Variants in IL18R1 observed in about 807,000 individuals in gnomAD.
The protein encoded by IL18R1 is interleukin 18 receptor 1.
A neutral mutation model predicts 48.5 loss-of-function variants in IL18R1; 40 were observed. That is an observed-to-expected ratio of 0.82 (90% CI 0.64 to 1.07). IL18R1 has a LOEUF of 1.07. IL18R1 is among the 50% of genes least tolerant of loss of function. The pLI, the probability that IL18R1 is intolerant of heterozygous loss-of-function variation, is 0.00. For missense variants in IL18R1, 596 were observed against 633.7 expected (o/e 0.94, Z 0.64); for synonymous variants, 232 against 225.9 (o/e 1.03, Z -0.24).
chr2:102,375,987 C>A lies in IL18R1; in HGVS notation c.549C>A (p.Tyr183Ter). ...CCGAGTTTGAAGATCAGGGGTATTA[C>A]TCCTGCGTGCATTTCCTTCATCATA... Reference protein sequence around the residue: ...KNAEFEDQGYYSCVHFLHHNG... With the variant: ...KNAEFEDQGY Residue 183 changes from tyrosine (Y) to a stop codon, truncating the protein, a stop_gained, in exon 5 of 11, where the codon TAC becomes TAA. Coordinates refer to ENST00000233957, the MANE Select transcript of IL18R1 (RefSeq NM_003855.5). LOFTEE classifies it high-confidence loss of function. 1 of 1,609,034 alleles carries A rather than the reference C, an allele frequency of 6.2e-7. No homozygotes were observed. The highest frequency in any genetic ancestry group is 8.5e-7 in the Non-Finnish European group (1 of 1,178,010).
At chr2:102,373,002 A>T (rs1404566218) in intron 4 of IL18R1, among the ~76,000 whole-genome samples, 3 of 152,266 alleles carry the variant, frequency 2.0e-5, no homozygotes, top group South Asian at 4.1e-4. Context: ...TTTACCCCAC[A>T]CTTGAAAAAA....
intron 1 of IL18R1, among the ~76,000 whole-genome samples, chr2:102,360,713 A>G (rs1678525193): frequency 6.6e-6 from 1 of 152,248 alleles, no homozygotes; most frequent in African/African-American, 2.4e-5. Flanking sequence ...AAAAACTTTA[A>G]AAAGAAAGAA....
rs945501914 is a variant in IL18R1 at position 102,356,135 on chromosome 2, C to A, written c.-294C>A. On this transcript the variant is annotated 5_prime_UTR_variant, in exon 1 of 11. Transcript: ENST00000233957. ...GTGCCCACCTGCAGCCTCCACCGGC[C>A]GGGGTTAGCAGCCAGGAGCTGCCAG... The A allele has an allele frequency of 4.3e-5, 7 of 164,068 alleles. No homozygotes were observed. Among genetic ancestry groups the A allele is most frequent in the Admixed American group, 3.9e-4 (6 of 15,300 alleles). The allele number at this position is 164,068 out of a possible 1,614,324, so 10.2% of individuals were successfully genotyped here.
intron 5 of IL18R1, among the ~76,000 whole-genome samples, chr2:102,380,373 G>T (rs1229587429): frequency 6.6e-6 from 1 of 152,152 alleles, no homozygotes; most frequent in Non-Finnish European, 1.5e-5. Context: ...GGAAAAAATG[G>T]ATCCAGAGAA....
At chr2:102,361,998 A>G (rs562909462) in intron 1 of IL18R1, among the ~76,000 whole-genome samples, 3 of 152,300 alleles carry the variant, frequency 2.0e-5, no homozygotes, top group Non-Finnish European at 4.4e-5. Flanking sequence ...CCACAGACAC[A>G]CGCGAACACA....
chr2:102,363,102 T>C (rs1327263693), intron 2 of IL18R1, among the ~76,000 whole-genome samples: 1 of 151,468 alleles, frequency 6.6e-6, no homozygotes. Flanking sequence ...TGAGACAGAA[T>C]ATACAAAAAA....
intron 7 of IL18R1, 75 bp from the exon 8 acceptor site, chr2:102,386,786 C>G (rs1305941220): frequency 6.9e-7 from 1 of 1,451,172 alleles, no homozygotes; most frequent in African/African-American, 1.4e-5. Context: ...TGCCTTCAAG[C>G]ATTTTAAACA....
Position 102,365,338 on chromosome 2 carries a change from T to C in IL18R1, c.59-2487T>C, listed in dbSNP as rs537186698. Among the ~76,000 whole-genome samples the C allele has an allele frequency of 1.1e-4, 17 of 152,332 alleles. No individual in the cohort carries two copies. In the South Asian group the frequency reaches 2.5e-3, roughly 22 times the overall value. On this transcript the variant is annotated intron_variant, in intron 2 of 10. Transcript: ENST00000233957. Reference sequence around the variant, plus strand: ...GGCCCCATGCAAGTTCTAAATTTAATAGGGCAGTCATTAAACCTTAAAGTT... The same window carrying C: ...GGCCCCATGCAAGTTCTAAATTTAACAGGGCAGTCATTAAACCTTAAAGTT...
At chr2:102,372,143 T>A in intron 4 of IL18R1, 25 bp downstream of exon 4, 4 of 1,533,138 alleles carry the variant, frequency 2.6e-6, no homozygotes, top group Non-Finnish European at 3.5e-6. Flanking sequence ...ATATTTTAAC[T>A]TTAAGACTTG....
chr2:102,379,164 C>A (rs1380565589), intron 5 of IL18R1, among the ~76,000 whole-genome samples: 1 of 152,136 alleles, frequency 6.6e-6, no homozygotes, highest in Non-Finnish European at 1.5e-5. Context: ...GACCCTGGGG[C>A]CGGGTGTGGT....
intron 10 of IL18R1, among the ~76,000 whole-genome samples, chr2:102,395,428 T>C (rs1043276791): frequency 9.2e-5 from 14 of 152,144 alleles, no homozygotes; most frequent in Non-Finnish European, 2.1e-4. Context: ...TGCCAAGTTG[T>C]GAACTGGGCA....
In IL18R1 at chr2:102,394,464, C is replaced by G; in HGVS notation, c.1112-5C>G. 6.2e-7 allele frequency: 1 copy of G among 1,603,580 alleles called. No individual in the cohort carries two copies. The highest frequency in any genetic ancestry group is 8.5e-7 in the Non-Finnish European group (1 of 1,173,990). On this transcript the variant is annotated splice_region_variant and splice_polypyrimidine_tract_variant and intron_variant, in intron 9 of 10. Coordinates refer to ENST00000233957, the MANE Select transcript of IL18R1 (RefSeq NM_003855.5). ...TGAATTAAAAGAGCCAATCTTACCT[C>G]CTAGATGGAAAAACATATGATGCTT... is the stretch of plus-strand genomic sequence containing the variant.
In IL18R1 at chr2:102,372,065, A is replaced by G. The variant is rs778956300; in HGVS notation, c.415A>G (p.Thr139Ala). ...IVEVKKFFQI[T>A]CENSYYQTLV... is the part of the protein sequence containing the mutation. ...GGAAGTTAAAAAATTTTTTCAGATA[A>G]CCTGTGAAAACAGTTACTATCAAAC... The change falls in exon 4 of 11, where the codon ACC (threonine) becomes GCC (alanine). Residue 139 changes from threonine (T) to alanine (A), a missense_variant. This residue lies in a region of IL18R1 where 360 missense variants were observed against 339.4 expected (regional missense o/e 1.06). Coordinates refer to ENST00000233957, the MANE Select transcript of IL18R1 (RefSeq NM_003855.5). 6.2e-7 allele frequency: 1 copy of G among 1,608,520 alleles called. No homozygotes were observed. Among genetic ancestry groups the G allele is most frequent in the South Asian group, 1.1e-5 (1 of 89,512 alleles).
rs749577655 is a variant in IL18R1 at position 102,386,960 on chromosome 2, G to A, written c.909G>A (p.Thr303=). The change falls in exon 8 of 11, where the codon ACG becomes ACA. Residue 303 remains threonine (T), a synonymous_variant. Transcript: ENST00000233957. ...NVLYNCTVAS[T]GGTDTKSFIL... ...TATATAATTGCACTGTGGCCAGCAC[G>A]GGAGGCACAGACACCAAAAGCTTCA... is the stretch of plus-strand genomic sequence containing the variant. 5.3e-5 allele frequency: 86 copies of A among 1,613,720 alleles called. No individual in the cohort carries two copies. The highest frequency in any genetic ancestry group is 2.5e-4 in the East Asian group (11 of 44,886).
At chr2:102,383,559 A>G (rs111441822) in intron 6 of IL18R1, among the ~76,000 whole-genome samples, 3 of 152,150 alleles carry the variant, frequency 2.0e-5, no homozygotes, top group Admixed American at 6.5e-5. Context: ...TCCTCTCTCA[A>G]TGTGTAGCTC....
At chr2:102,365,257 T>C (rs1678821339) in intron 2 of IL18R1, among the ~76,000 whole-genome samples, 1 of 152,200 alleles carries the variant, frequency 6.6e-6, no homozygotes, top group Non-Finnish European at 1.5e-5. Flanking sequence ...AGTACAGGCA[T>C]TGAGTAAATA....
At position 102,398,276 on chromosome 2, in the gene IL18R1, C is replaced by G. The variant is rs1176794198; in HGVS notation, c.*1390C>G. Reference sequence around the variant, plus strand: ...CAGCACTGGGAGCCTTCTTGATGATCTCAAAAATAATAGCTATTCAAGAAA... The same window carrying G: ...CAGCACTGGGAGCCTTCTTGATGATGTCAAAAATAATAGCTATTCAAGAAA... On this transcript the variant is annotated 3_prime_UTR_variant, in exon 11 of 11. Coordinates refer to ENST00000233957, the MANE Select transcript of IL18R1 (RefSeq NM_003855.5). The G allele has an allele frequency of 6.6e-6, 1 of 152,364 alleles. No homozygotes were observed. The highest frequency in any genetic ancestry group is 2.4e-5 in the African/African-American group (1 of 41,458). 9.4% of individuals were successfully genotyped at this position (152,364 alleles called of 1,614,324 possible).
chr2:102,376,097 C>T (rs775702318), intron 5 of IL18R1, 34 bp downstream of exon 5: 95 of 1,500,584 alleles, frequency 6.3e-5, no homozygotes, highest in East Asian at 3.1e-4. Context: ...AAGAAACAGA[C>T]GTATTTTAGT....
chr2:102,362,228 A>AAC (rs36213840), intron 1 of IL18R1, among the ~76,000 whole-genome samples: 8,946 of 152,128 alleles, frequency 0.059, 845 homozygotes, highest in African/African-American at 0.19. Context: ...TTGATGTGAA[A>AAC]ACACACACAC....
Sources: allele counts gnomAD v4.1 joint callset (sites outside exome capture counted in the v4.1 genomes callset), GRCh38; gene constraint gnomAD v4.1.1; regional missense constraint gnomAD v4.1.1; transcripts MANE v1.5; gene names NCBI Gene and HGNC (gene_info 2026-07-23, HGNC 2026-07-21).